LAMC1: variants seen among roughly 807,000 people sequenced by gnomAD.
LAMC1 encodes the protein laminin subunit gamma 1.
In LAMC1, 38 loss-of-function variants were observed where a neutral mutation model predicts 173.6. That is an observed-to-expected ratio of 0.22 (90% CI 0.17 to 0.29). The LOEUF is 0.29. LAMC1 is among the 10% of genes least tolerant of loss of function. The probability of loss-of-function intolerance (pLI) is 1.00; values close to 1 mark genes in which losing one functional copy is unlikely to be tolerated. For synonymous variants in LAMC1, 746 were observed against 749.1 expected (o/e 1.00, Z 0.07); for missense variants, 1,824 against 2,051.8 (o/e 0.89, Z 2.14).
chr1:183,056,176 GCTGC>G (rs1451290359), intron 1 of LAMC1, among the ~76,000 whole-genome samples: 3 of 152,224 alleles, frequency 2.0e-5, no homozygotes, highest in Non-Finnish European at 4.4e-5. Context: ...CCATGCTTCA[GCTGC>G]CTGCTGCCAT....
intron 1 of LAMC1, among the ~76,000 whole-genome samples, chr1:183,091,198 T>G (rs1180249491): frequency 6.6e-6 from 1 of 152,158 alleles, no homozygotes; most frequent in Non-Finnish European, 1.5e-5. Flanking sequence ...AAGAAGAGGT[T>G]TTAGTAGAAA....
At chr1:183,108,834 T>A in intron 3 of LAMC1, among the ~76,000 whole-genome samples, 1 of 152,268 alleles carries the variant, frequency 6.6e-6, no homozygotes, top group South Asian at 2.1e-4. Flanking sequence ...CACCTGTTTT[T>A]AAAAAATAGA....
intron 1 of LAMC1, among the ~76,000 whole-genome samples, chr1:183,035,477 A>C (rs1043936061): frequency 1.3e-5 from 2 of 152,176 alleles, no homozygotes; most frequent in Non-Finnish European, 2.9e-5. Flanking sequence ...GTAAGCCACC[A>C]TGCCCAGCTG....
In LAMC1 at chr1:183,137,183, A is replaced by G. The variant is rs559676898; in HGVS notation, c.4315-486A>G. Among the ~76,000 whole-genome samples the G allele has an allele frequency of 9.8e-5, 15 of 152,338 alleles. No individual in the cohort carries two copies. In the East Asian group the frequency reaches 1.7e-3, roughly 18 times the overall value. On this transcript the variant is annotated intron_variant, in intron 25 of 27. Transcript: ENST00000258341. The stretch of plus-strand genomic sequence containing the variant: ...AGAGAAACCTCTTAGTTTCCTTAGA[A>G]CAGTTGGCTTTTGGATTAATTATAT...
intron 1 of LAMC1, among the ~76,000 whole-genome samples, chr1:183,025,132 G>A (rs1172216719): frequency 8.7e-6 from 1 of 115,342 alleles, no homozygotes. Flanking sequence ...CCAGTAGCTG[G>A]TACTAATGAA....
intron 1 of LAMC1, among the ~76,000 whole-genome samples, chr1:183,096,879 A>G (rs1280252162): frequency 6.6e-6 from 1 of 151,956 alleles, no homozygotes; most frequent in African/African-American, 2.4e-5. Flanking sequence ...TAGCCAATAG[A>G]AACTAGCCCT....
Position 183,136,604 on chromosome 1 carries a change from C to G in LAMC1, c.4314+19C>G, listed in dbSNP as rs753618212. ...CCAAAAGGTGTGCGTTTCCTCTTCT[C>G]CAAGAGTCCCTGCCCATATCTTTCT... On this transcript the variant is annotated intron_variant, in intron 25 of 27. Coordinates refer to ENST00000258341, the MANE Select transcript of LAMC1 (RefSeq NM_002293.4). 7.4e-5 allele frequency: 116 copies of G among 1,560,942 alleles called. No homozygotes were observed. The highest frequency in any genetic ancestry group is 9.5e-5 in the Non-Finnish European group (109 of 1,148,338).
At chr1:183,087,772 T>C (rs982260130) in intron 1 of LAMC1, among the ~76,000 whole-genome samples, 1 of 152,102 alleles carries the variant, frequency 6.6e-6, no homozygotes, top group Non-Finnish European at 1.5e-5. Flanking sequence ...AAATTTTTGC[T>C]ACTTAGCTTT....
intron 13 of LAMC1, among the ~76,000 whole-genome samples, chr1:183,123,759 C>T (rs576016519): frequency 1.3e-5 from 2 of 152,222 alleles, no homozygotes; most frequent in Non-Finnish European, 2.9e-5. Flanking sequence ...GCATACACTT[C>T]ATGAGAGCAG....
chr1:183,099,354 T>C (rs1655776114), intron 1 of LAMC1, among the ~76,000 whole-genome samples: 1 of 152,132 alleles, frequency 6.6e-6, no homozygotes. Context: ...CCTCCCAAAG[T>C]ACTGGGATTA....
At chr1:183,052,200 G>T in intron 1 of LAMC1, among the ~76,000 whole-genome samples, 1 of 151,996 alleles carries the variant, frequency 6.6e-6, no homozygotes, top group East Asian at 1.9e-4. Context: ...CCATTTTTGT[G>T]TTCTCATCCC....
chr1:183,042,923 A>C (rs1042849045), intron 1 of LAMC1, among the ~76,000 whole-genome samples: 3 of 152,136 alleles, frequency 2.0e-5, no homozygotes, highest in Non-Finnish European at 4.4e-5. Flanking sequence ...GTCTGAATTC[A>C]CTTGACGATG....
chr1:183,140,718 G>A (rs1443527205), intron 27 of LAMC1: 3 of 335,848 alleles, frequency 8.9e-6, no homozygotes, highest in Non-Finnish European at 1.6e-5. Flanking sequence ...GTCTTTAAGA[G>A]CAACTTGCTT....
At chr1:183,129,417 G>C (rs1289110797) in intron 18 of LAMC1, among the ~76,000 whole-genome samples, 1 of 152,060 alleles carries the variant, frequency 6.6e-6, no homozygotes, top group African/African-American at 2.4e-5. Flanking sequence ...AAATAATTGA[G>C]TAACCTTCCA....
intron 1 of LAMC1, among the ~76,000 whole-genome samples, chr1:183,068,025 G>C (rs1346568522): frequency 2.0e-5 from 3 of 152,150 alleles, no homozygotes; most frequent in Non-Finnish European, 4.4e-5. Context: ...ATTAACCCAA[G>C]CTTCCCAAAG....
intron 1 of LAMC1, among the ~76,000 whole-genome samples, chr1:183,100,509 G>T (rs1028556508): frequency 6.6e-6 from 1 of 152,082 alleles, no homozygotes; most frequent in Non-Finnish European, 1.5e-5. Context: ...TGTGTTCTCT[G>T]GGCTTTCATA....
chr1:183,037,375 T>C (rs1654010106), intron 1 of LAMC1, among the ~76,000 whole-genome samples: 2 of 152,202 alleles, frequency 1.3e-5, no homozygotes, highest in Non-Finnish European at 2.9e-5. Flanking sequence ...TATCTGACAT[T>C]ATTAAAGATA....
chr1:183,110,135 G>A (rs530843492), intron 3 of LAMC1, among the ~76,000 whole-genome samples: 2 of 152,282 alleles, frequency 1.3e-5, no homozygotes, highest in African/African-American at 4.8e-5. Context: ...TGACAGGGAA[G>A]GGTTTCAAAC....
chr1:183,083,270 A>G (rs1655334512), intron 1 of LAMC1, among the ~76,000 whole-genome samples: 1 of 151,878 alleles, frequency 6.6e-6, no homozygotes, highest in African/African-American at 2.4e-5. Flanking sequence ...TCTCAACTTT[A>G]AACTTTAAAG....
Sources: allele counts gnomAD v4.1 joint callset (sites outside exome capture counted in the v4.1 genomes callset), GRCh38; gene constraint gnomAD v4.1.1; transcripts MANE v1.5; gene names NCBI Gene and HGNC (gene_info 2026-07-23, HGNC 2026-07-21).